The following POM121 variants were observed in gnomAD, a reference collection of about 807,000 sequenced individuals.
POM121 encodes POM121 transmembrane nucleoporin.
POM121 carries 32 observed loss-of-function variants against 81.3 expected under a neutral mutation model. The observed-to-expected ratio is 0.39, with a 90% confidence interval of 0.30 to 0.53. POM121 has a LOEUF of 0.53. POM121 is among the 20% of genes least tolerant of loss of function. The pLI, the probability that POM121 is intolerant of heterozygous loss-of-function variation, is 0.66. For synonymous variants in POM121, 514 were observed against 694.2 expected (o/e 0.74, Z 4.08); for missense variants, 1,138 against 1,614.6 (o/e 0.70, Z 5.06).
At chr7:72,949,533 G>A, downstream of POM121, 1 of 875,702 alleles carries the variant, frequency 1.1e-6, no homozygotes. Flanking sequence ...AGCATGCATG[G>A]AGCAGCTAAG....
At chr7:72,895,945 C>G (rs1231757369) in intron 3 of POM121, among the ~76,000 whole-genome samples, 2 of 151,102 alleles carry the variant, frequency 1.3e-5, no homozygotes, top group Admixed American at 1.3e-4. Context: ...TTTACCTGCT[C>G]AAAAACTTTC....
Position 72,943,075 on chromosome 7 carries a change from C to A in POM121, c.3082C>A (p.Pro1028Thr). The A allele has an allele frequency of 6.2e-7, 1 of 1,613,844 alleles. No homozygotes were observed. The highest frequency in any genetic ancestry group is 8.5e-7 in the Non-Finnish European group (1 of 1,179,854). Reference sequence around the variant, plus strand: ...TGCGTACGTGCCTACGCCCATCCATCCTATCTTTGGCGGTGCCACGCACTC... The same window carrying A: ...TGCGTACGTGCCTACGCCCATCCATACTATCTTTGGCGGTGCCACGCACTC... ...VPAYVPTPIH[P>T]IFGGATHSAF... The change falls in exon 11 of 13, where the codon CCT becomes ACT. Residue 1028 changes from proline to threonine, a missense_variant. Pro to Thr is a conservative substitution (Grantham distance 38, BLOSUM62 -1). This residue lies in a region of POM121 where 336 missense variants were observed against 344.3 expected (regional missense o/e 0.98). Coordinates refer to ENST00000434423, the MANE Select transcript of POM121 (RefSeq NM_001387691.1).
chr7:72,888,526 A>C lies in POM121; in HGVS notation c.-520-2101A>C, dbSNP rs182800925. Among the ~76,000 whole-genome samples, 1,036 of 152,228 alleles carry C rather than the reference A, an allele frequency of 6.8e-3. 14 individuals are homozygous for C. Among genetic ancestry groups the C allele is most frequent in the African/African-American group, 0.024 (1,009 of 41,552 alleles). ...TGCCCAAGCACTTTTACTTTTTCTTAGTTATATTCCTCTAATTGTTTTCTC... is the reference window on the plus strand; with the variant it reads ...TGCCCAAGCACTTTTACTTTTTCTTCGTTATATTCCTCTAATTGTTTTCTC... On this transcript the variant is annotated intron_variant, in intron 1 of 15. Transcript: ENST00000395270.
At chr7:72,938,452 GCATGCTGGGATTACAGGCATGACTAAC>G in intron 5 of POM121, 111 bp from the exon 6 acceptor site, 1 of 1,084,158 alleles carries the variant, frequency 9.2e-7, no homozygotes, top group Non-Finnish European at 1.4e-6. Flanking sequence ...TGGCCTCCCA[GCATGCTGGGATTACAGGCATGACTAAC>G]CATTTAACCA....
chr7:72,887,512 A>T (rs1790842000), intron 1 of POM121, among the ~76,000 whole-genome samples: 1 of 152,150 alleles, frequency 6.6e-6, no homozygotes, highest in Non-Finnish European at 1.5e-5. Flanking sequence ...CTACTGCCTG[A>T]TAATCAGTGC....
At chr7:72,948,894 G>A (rs2129581494), downstream of POM121, 3 of 1,611,834 alleles carry the variant, frequency 1.9e-6, no homozygotes, top group East Asian at 6.7e-5. Context: ...CCCTGTACCT[G>A]AAGGCGCCCG....
intron 1 of POM121, 48 bp from the exon 2 acceptor site, chr7:72,926,214 A>G (rs575309580): frequency 1.3e-6 from 2 of 1,514,952 alleles, no homozygotes; most frequent in African/African-American, 1.4e-5. Context: ...TAAAAATTTG[A>G]CATTCTTTTT....
chr7:72,948,882 C>T (rs375800343), downstream of POM121: 39 of 1,608,648 alleles, frequency 2.4e-5, 1 homozygote, highest in African/African-American at 2.0e-4. Flanking sequence ...CCCTGGCGCA[C>T]GCCCTGTACC....
chr7:72,946,047 T>C (rs1797661095), intron 12 of POM121, 90 bp from the exon 13 acceptor site: 1 of 1,535,884 alleles, frequency 6.5e-7, no homozygotes, highest in Non-Finnish European at 8.8e-7. Context: ...CTGTGTTTTA[T>C]TACTGGCCTG....
chr7:72,894,101 G>A (rs1413307253), intron 3 of POM121, among the ~76,000 whole-genome samples: 4 of 151,902 alleles, frequency 2.6e-5, no homozygotes, highest in African/African-American at 7.3e-5. Context: ...ATGAGACTAC[G>A]AAAAATACAA....
intron 3 of POM121, among the ~76,000 whole-genome samples, chr7:72,896,336 A>G (rs756518693): frequency 1.3e-5 from 2 of 151,620 alleles, no homozygotes; most frequent in Non-Finnish European, 2.9e-5. Flanking sequence ...AAATTTAAAA[A>G]TTAGCCAGAA....
intron 3 of POM121, among the ~76,000 whole-genome samples, chr7:72,898,994 T>C (rs1792286305): frequency 7.5e-6 from 1 of 134,148 alleles, no homozygotes; most frequent in African/African-American, 2.8e-5. Flanking sequence ...TTTTTTTTTT[T>C]TTTTTTTTTT....
chr7:72,888,907 T>C (rs1428930198), intron 1 of POM121, among the ~76,000 whole-genome samples: 1 of 152,174 alleles, frequency 6.6e-6, no homozygotes, highest in Non-Finnish European at 1.5e-5. Flanking sequence ...AGTATCTTCA[T>C]GGATACAAGA....
chr7:72,949,812 C>G (rs781990390), downstream of POM121: 2 of 1,240,166 alleles, frequency 1.6e-6, no homozygotes, highest in Non-Finnish European at 2.4e-6. Context: ...CAAAATCAAA[C>G]CCCATGTCCT....
At chr7:72,903,260 A>G (rs1554492963) in intron 3 of POM121, among the ~76,000 whole-genome samples, 2 of 152,196 alleles carry the variant, frequency 1.3e-5, no homozygotes, top group South Asian at 2.1e-4. Flanking sequence ...ACATGGTGAA[A>G]CCCCATCTCT....
upstream of POM121, among the ~76,000 whole-genome samples, chr7:72,922,146 GTA>G (rs1554496058): frequency 6.6e-6 from 1 of 152,144 alleles, no homozygotes; most frequent in Non-Finnish European, 1.5e-5. Flanking sequence ...GAGGTTAAAT[GTA>G]TATGTGTATG....
At position 72,946,583 on chromosome 7, in the gene POM121, C is replaced by T. The variant is rs1366052166; in HGVS notation, c.*349C>T. ...CGCCCCTTCCACCTTTCCCCGAGAC[C>T]GTCGTCGCTGGAGGGGGCAGGGTCC... On this transcript the variant is annotated 3_prime_UTR_variant, in exon 13 of 13. Transcript: ENST00000434423. 15 of 1,042,240 alleles carry T rather than the reference C, an allele frequency of 1.4e-5. No homozygotes were observed. The Admixed American group carries it at 2.1e-4, about 15-fold the overall frequency. 64.6% of individuals were successfully genotyped at this position (1,042,240 alleles called of 1,614,324 possible). A position where few individuals can be genotyped will look rare whatever the true frequency, so the allele number is the denominator to read the frequency against.
In POM121 at chr7:72,890,865, T is replaced by TTA. The variant is rs1280443958; in HGVS notation, c.-393-64_-393-63dup. The TTA allele has an allele frequency of 3.1e-6, 4 of 1,281,648 alleles. 1 individual carries two copies. In the African/African-American group the frequency reaches 5.9e-5, roughly 19 times the overall value. 79.4% of individuals were successfully genotyped at this position (1,281,648 alleles called of 1,614,324 possible). On this transcript the variant is annotated intron_variant, in intron 2 of 15. Coordinates refer to the POM121 transcript ENST00000395270. ...TCCTTGTGGGCACTAGCTGCAGTGT[T>TTA]TATATTATTCTTCATTGAAAGGTTC...
chr7:72,940,061 A>G, intron 8 of POM121, 93 bp downstream of exon 8: 1 of 1,520,692 alleles, frequency 6.6e-7, no homozygotes, highest in Non-Finnish European at 8.8e-7. Context: ...TTTTTTTTCT[A>G]ATTTATTTTT....
Sources: allele counts gnomAD v4.1 joint callset (sites outside exome capture counted in the v4.1 genomes callset), GRCh38; gene constraint gnomAD v4.1.1; regional missense constraint gnomAD v4.1.1; transcripts MANE v1.5; gene names NCBI Gene and HGNC (gene_info 2026-07-23, HGNC 2026-07-21).